The following PTPN4 variants were observed in gnomAD, a reference collection of about 807,000 sequenced individuals.
PTPN4 encodes protein tyrosine phosphatase non-receptor type 4.
A neutral mutation model predicts 135.5 loss-of-function variants in PTPN4; 49 were observed. That is an observed-to-expected ratio of 0.36 (90% confidence interval 0.29 to 0.46). The LOEUF (loss-of-function observed/expected upper bound fraction) is 0.46, where lower values mean the gene tolerates loss of function less well. Among genes scored for constraint, PTPN4 ranks in the 20% least tolerant of loss-of-function variants. The probability of loss-of-function intolerance (pLI) is 1.00; values close to 1 mark genes in which losing one functional copy is unlikely to be tolerated. For synonymous variants in PTPN4, 333 were observed against 369.9 expected, an observed-to-expected ratio of 0.90 and a Z score of 1.14; for missense variants, 860 against 1,101.0, an observed-to-expected ratio of 0.78 and a Z score of 3.10.
At chr2:119,779,250 AAAACAT>A (rs1690893935) in intron 1 of PTPN4, among the ~76,000 whole-genome samples, 1 of 152,252 alleles carries the variant, frequency 6.6e-6, no homozygotes, top group South Asian at 2.1e-4. Context: ...AATTACATAC[AAAACAT>A]TGTGTAATAA....
At chr2:119,875,235 T>A (rs1169491631) in intron 3 of PTPN4, among the ~76,000 whole-genome samples, 1 of 152,214 alleles carries the variant, frequency 6.6e-6, no homozygotes, top group Non-Finnish European at 1.5e-5. Context: ...GTTATAGCAC[T>A]GTTCCATCTT....
At chr2:119,874,045 G>C (rs1018293878) in intron 3 of PTPN4, among the ~76,000 whole-genome samples, 9 of 152,012 alleles carry the variant, frequency 5.9e-5, no homozygotes, top group South Asian at 2.1e-4. Flanking sequence ...TAAAATATGG[G>C]AACAATCCAA....
At chr2:119,876,007 C>T (rs376514652) in intron 3 of PTPN4, among the ~76,000 whole-genome samples, 10 of 152,112 alleles carry the variant, frequency 6.6e-5, no homozygotes, top group African/African-American at 2.2e-4. Flanking sequence ...CTGAGACTTA[C>T]GGATAATGAA....
At chr2:119,944,796 A>AC (rs1300738897) in intron 15 of PTPN4, among the ~76,000 whole-genome samples, 1 of 151,960 alleles carries the variant, frequency 6.6e-6, no homozygotes, top group African/African-American at 2.4e-5. Flanking sequence ...AACCTTAAAA[A>AC]AATTTTTTTG....
At chr2:119,920,268 T>C in intron 12 of PTPN4, 27 bp downstream of exon 12, 5 of 1,553,696 alleles carry the variant, frequency 3.2e-6, no homozygotes, top group Non-Finnish European at 4.4e-6. Flanking sequence ...TGTTAAGGCT[T>C]TATTGTTGGA....
intron 2 of PTPN4, among the ~76,000 whole-genome samples, chr2:119,844,596 G>T (rs1279896536): frequency 6.7e-6 from 1 of 149,364 alleles, no homozygotes; most frequent in Admixed American, 6.6e-5. Context: ...GGGCAGAGGC[G>T]CTCCTCACAT....
At chr2:119,819,835 A>C (rs925160051) in intron 2 of PTPN4, among the ~76,000 whole-genome samples, 4 of 152,148 alleles carry the variant, frequency 2.6e-5, no homozygotes, top group Non-Finnish European at 2.9e-5. Context: ...CTGTATTCAC[A>C]GTGTGTAAGG....
At chr2:119,906,252 C>T (rs1461862049) in intron 10 of PTPN4, among the ~76,000 whole-genome samples, 1 of 151,894 alleles carries the variant, frequency 6.6e-6, no homozygotes, top group Admixed American at 6.6e-5. Flanking sequence ...GCCTGTAGTC[C>T]TGGGTACTCG....
intron 13 of PTPN4, among the ~76,000 whole-genome samples, chr2:119,930,754 A>T (rs967206074): frequency 7.9e-5 from 12 of 152,078 alleles, no homozygotes; most frequent in Non-Finnish European, 1.3e-4. Flanking sequence ...TATGTATCAG[A>T]ATTCTAATGT....
intron 2 of PTPN4, among the ~76,000 whole-genome samples, chr2:119,850,916 A>G (rs1427766754): frequency 6.6e-6 from 1 of 152,142 alleles, no homozygotes; most frequent in Non-Finnish European, 1.5e-5. Flanking sequence ...CTTTTGAGAT[A>G]TTGCTCAGTT....
At chr2:119,832,070 G>A (rs1489996930) in intron 2 of PTPN4, among the ~76,000 whole-genome samples, 2 of 152,166 alleles carry the variant, frequency 1.3e-5, no homozygotes, top group African/African-American at 4.8e-5. Flanking sequence ...TAGAAAGCTT[G>A]TGGGTCTCTT....
intron 3 of PTPN4, among the ~76,000 whole-genome samples, chr2:119,865,262 G>A (rs576476000): frequency 5.9e-5 from 9 of 152,116 alleles, no homozygotes; most frequent in South Asian, 2.1e-4. Flanking sequence ...GATAATTAAC[G>A]GACTGAAGGA....
rs541371010 is a variant in PTPN4 at position 119,770,870 on chromosome 2, G to A, written c.-18+10486G>A. ...CCTGCCTGACTTTTCTGTATCTAAAGGGTCTAACTTTTTTTTTTTTTTTTT... is the reference window on the plus strand; with the variant it reads ...CCTGCCTGACTTTTCTGTATCTAAAAGGTCTAACTTTTTTTTTTTTTTTTT... On this transcript the variant is annotated intron_variant, in intron 1 of 26. Coordinates refer to ENST00000263708, the MANE Select transcript of PTPN4 (RefSeq NM_002830.4). Among the ~76,000 whole-genome samples, 5 of 151,772 alleles carry A rather than the reference G, an allele frequency of 3.3e-5. No homozygotes were observed. The South Asian group carries it at 1.0e-3, about 32-fold the overall frequency.
intron 1 of PTPN4, among the ~76,000 whole-genome samples, chr2:119,780,951 G>T (rs1278736895): frequency 1.3e-5 from 2 of 152,028 alleles, no homozygotes; most frequent in Non-Finnish European, 2.9e-5. Context: ...TTTATCATTA[G>T]ATATTATTTT....
rs188244263 is a variant in PTPN4, at chr2:119,883,449, A to G, written c.587+826A>G. Among the ~76,000 whole-genome samples the G allele has an allele frequency of 1.4e-3, 209 of 152,216 alleles. 1 individual carries two copies. Among genetic ancestry groups the G allele is most frequent in the Admixed American group, 4.0e-3 (61 of 15,280 alleles). ...CATTAACAATATTCATTCAACTTTG[A>G]TTTTTTTGTGTGAGTATAATTTTAT... On this transcript the variant is annotated intron_variant, in intron 8 of 26. Transcript: ENST00000263708.
intron 14 of PTPN4, among the ~76,000 whole-genome samples, chr2:119,933,681 AT>A (rs1397570270): frequency 6.6e-6 from 1 of 151,244 alleles, no homozygotes; most frequent in Non-Finnish European, 1.5e-5. Flanking sequence ...AAAAAAAAAA[AT>A]CTAACAGCTA....
At chr2:119,824,149 T>C (rs746556337) in intron 2 of PTPN4, among the ~76,000 whole-genome samples, 1 of 152,204 alleles carries the variant, frequency 6.6e-6, no homozygotes, top group Non-Finnish European at 1.5e-5. Flanking sequence ...AATTCTGTTA[T>C]GGCTAGAGAA....
intron 10 of PTPN4, among the ~76,000 whole-genome samples, chr2:119,909,289 A>G (rs143723796): frequency 1.2e-3 from 189 of 152,306 alleles, no homozygotes; most frequent in African/African-American, 4.3e-3. Flanking sequence ...TGCGGAATAA[A>G]GTTGAAGCCA....
intron 2 of PTPN4, among the ~76,000 whole-genome samples, chr2:119,849,743 A>C (rs1166174141): frequency 4.6e-5 from 7 of 152,212 alleles, no homozygotes; most frequent in African/African-American, 1.7e-4. Flanking sequence ...CACAGTGCGC[A>C]CAGCATTAGG....
Sources: allele counts gnomAD v4.1 joint callset (sites outside exome capture counted in the v4.1 genomes callset), GRCh38; gene constraint gnomAD v4.1.1; transcripts MANE v1.5; gene names NCBI Gene and HGNC (gene_info 2026-07-23, HGNC 2026-07-21).